The following MEOX1 variants were observed in gnomAD, a reference collection of about 807,000 sequenced individuals.
MEOX1 encodes mesenchyme homeobox 1, also known as homeobox protein MOX-1.
In MEOX1, 17 loss-of-function variants were observed where a neutral mutation model predicts 23.2. The observed-to-expected ratio is 0.73, with a 90% CI of 0.50 to 1.10. The LOEUF (loss-of-function observed/expected upper bound fraction) is 1.10. MEOX1 is among the 50% of genes least tolerant of loss of function. MEOX1 has a pLI of 0.00. For missense variants in MEOX1, 333 were observed against 332.2 expected, an observed-to-expected ratio of 1.00 and a Z score of -0.02; for synonymous variants, 134 against 135.1, an observed-to-expected ratio of 0.99 and a Z score of 0.06.
Position 43,661,668 on chromosome 17 carries a change from A to G in MEOX1, c.-134T>C. On this transcript the variant is annotated 5_prime_UTR_variant, in exon 1 of 3. Transcript: ENST00000318579. The stretch of plus-strand genomic sequence containing the variant: ...TGTTCAACAGAAAATTTACCCCAGG[A>G]ACCAAAAAAAAAAAAAAACCCAAAA... The G allele has an allele frequency of 1.9e-6, 1 of 523,846 alleles. No individual in the cohort carries two copies. The highest frequency in any genetic ancestry group is 3.1e-6 in the Non-Finnish European group (1 of 320,918). 32.4% of individuals were successfully genotyped at this position (523,846 alleles called of 1,614,324 possible). A position where few individuals can be genotyped will look rare whatever the true frequency, so the allele number is the denominator to read the frequency against.
chr17:43,643,157 A>C (rs535498510), intron 2 of MEOX1, among the ~76,000 whole-genome samples: 25 of 150,530 alleles, frequency 1.7e-4, no homozygotes, highest in African/African-American at 4.2e-4. Context: ...AAAAAAAAAA[A>C]CAAAAATTAG....
At chr17:43,652,825 CTTTTTTTTTTTTT>C (rs397856379) in intron 1 of MEOX1, among the ~76,000 whole-genome samples, 1 of 71,106 alleles carries the variant, frequency 1.4e-5, no homozygotes, top group African/African-American at 5.0e-5. Context: ...TCTACTATTG[CTTTTTTTTTTTTT>C]TTTTTTTTTT....
In MEOX1 at chr17:43,643,599, G is replaced by A; in HGVS notation, c.531C>T (p.Ala177=). ...GSSKARKERT[A]FTKEQLRELE... ...GCTCTCGCAGCTGCTCCTTGGTGAA[G>A]GCCGTCCTCTCCTTGCGGGCTTTGC... Residue 177 remains alanine (A), a synonymous_variant, in exon 2 of 3, where the codon GCC becomes GCT. Coordinates refer to ENST00000318579, the MANE Select transcript of MEOX1 (RefSeq NM_004527.4). The A allele has an allele frequency of 6.2e-7, 1 of 1,613,470 alleles. No homozygotes were observed. Among genetic ancestry groups the A allele is most frequent in the Non-Finnish European group, 8.5e-7 (1 of 1,179,896 alleles).
At chr17:43,643,441 A>T in intron 2 of MEOX1, 47 bp downstream of exon 2, 1 of 1,487,108 alleles carries the variant, frequency 6.7e-7, no homozygotes, top group Non-Finnish European at 9.1e-7. Context: ...GAGGGAAGGG[A>T]GGGAGATGAG....
At position 43,661,127 on chromosome 17, in the gene MEOX1, C is replaced by A; in HGVS notation, c.408G>T (p.Val136=). 2 of 1,521,300 alleles carry A rather than the reference C, an allele frequency of 1.3e-6. No individual in the cohort carries two copies. Among genetic ancestry groups the A allele is most frequent in the South Asian group, 1.3e-5 (1 of 75,368 alleles). The allele number at this position is 1,521,300 out of a possible 1,614,324, so 94.2% of individuals were successfully genotyped here. The change falls in exon 1 of 3, where the codon GTG becomes GTT. Residue 136 remains valine, a synonymous_variant. Coordinates refer to ENST00000318579, the MANE Select transcript of MEOX1 (RefSeq NM_004527.4). ...CTGTCTCATTGGCAGTGCTCCCAAG[C>A]ACCCCGTAGTCATCGCCTGGGCCTC... is the stretch of plus-strand genomic sequence containing the variant. ...TTGGPGDDYG[V]LGSTANETEK...
chr17:43,657,097 CT>C (rs1433768151), intron 1 of MEOX1, among the ~76,000 whole-genome samples: 1 of 121,008 alleles, frequency 8.3e-6, no homozygotes, highest in African/African-American at 3.0e-5. Flanking sequence ...CTTTCTTTTT[CT>C]TTCTCTCTTT....
intron 1 of MEOX1, among the ~76,000 whole-genome samples, chr17:43,643,862 A>C (rs1972751730): frequency 6.6e-6 from 1 of 151,582 alleles, no homozygotes; most frequent in African/African-American, 2.4e-5. Context: ...TTTGGTTTCC[A>C]ATCTCAGGTA....
At chr17:43,649,314 T>TTTTTA (rs1491550537) in intron 1 of MEOX1, among the ~76,000 whole-genome samples, 1 of 128,388 alleles carries the variant, frequency 7.8e-6, no homozygotes, top group Non-Finnish European at 1.6e-5. Context: ...TTTTTTTTTT[T>TTTTTA]GAGGCTGAGT....
intron 1 of MEOX1, among the ~76,000 whole-genome samples, chr17:43,657,012 C>CCCTTTCTT: frequency 9.5e-6 from 1 of 105,146 alleles, no homozygotes; most frequent in East Asian, 2.7e-4. Flanking sequence ...TTCTTTCTTT[C>CCCTTTCTT]TCTTTCTTTC....
chr17:43,657,131 TTCC>T (rs1446074446), intron 1 of MEOX1, among the ~76,000 whole-genome samples: 1 of 147,868 alleles, frequency 6.8e-6, no homozygotes, highest in Non-Finnish European at 1.5e-5. Flanking sequence ...CCTTCCTTCC[TTCC>T]TTTCTTCCTT....
chr17:43,644,274 T>C (rs1386753749), intron 1 of MEOX1, among the ~76,000 whole-genome samples: 1 of 152,240 alleles, frequency 6.6e-6, no homozygotes. Context: ...TGTTCAGACC[T>C]GAAGGATCTC....
chr17:43,660,951 C>T (rs757250507), intron 1 of MEOX1, 115 bp downstream of exon 1: 11 of 614,164 alleles, frequency 1.8e-5, no homozygotes, highest in Non-Finnish European at 2.7e-5. Flanking sequence ...CAGTCTCCTG[C>T]ATTTGGATGG....
chr17:43,658,245 C>T (rs951580387), intron 1 of MEOX1, among the ~76,000 whole-genome samples: 17 of 152,194 alleles, frequency 1.1e-4, no homozygotes, highest in African/African-American at 4.1e-4. Context: ...AGGCCGGGCA[C>T]GGTGGCGCAT....
chr17:43,649,806 T>C (rs1195382316), intron 1 of MEOX1, among the ~76,000 whole-genome samples: 2 of 152,164 alleles, frequency 1.3e-5, no homozygotes, highest in Non-Finnish European at 1.5e-5. Flanking sequence ...CCCCAGCCCC[T>C]GCATAGCCCT....
chr17:43,643,125 A>G (rs1020985801), intron 2 of MEOX1, among the ~76,000 whole-genome samples: 1 of 151,018 alleles, frequency 6.6e-6, no homozygotes, highest in Non-Finnish European at 1.5e-5. Context: ...CCTGGCCAAC[A>G]TGGTGAAACC....
At chr17:43,660,706 T>G (rs1158188464) in intron 1 of MEOX1, among the ~76,000 whole-genome samples, 1 of 152,172 alleles carries the variant, frequency 6.6e-6, no homozygotes, top group East Asian at 1.9e-4. Context: ...GGCCAAAGCA[T>G]GGTGGGGAGG....
At chr17:43,657,059 C>CTCTCTCTTTCT (rs1567748417) in intron 1 of MEOX1, among the ~76,000 whole-genome samples, 17 of 48,424 alleles carry the variant, frequency 3.5e-4, no homozygotes, top group African/African-American at 8.4e-4. Context: ...TCTTTCTTTC[C>CTCTCTCTTTCT]TTCCTTCCTT....
intron 1 of MEOX1, among the ~76,000 whole-genome samples, chr17:43,648,145 AC>A (rs1178446516): frequency 6.6e-5 from 10 of 152,226 alleles, no homozygotes; most frequent in Non-Finnish European, 7.3e-5. Flanking sequence ...GCTCATGGGC[AC>A]AGTTCCTGTG....
chr17:43,659,339 A>C (rs1173953347), intron 1 of MEOX1, among the ~76,000 whole-genome samples: 1 of 152,054 alleles, frequency 6.6e-6, no homozygotes, highest in African/African-American at 2.4e-5. Flanking sequence ...GGATGAGTTA[A>C]TTTTCGGGAT....
Sources: allele counts gnomAD v4.1 joint callset (sites outside exome capture counted in the v4.1 genomes callset), GRCh38; gene constraint gnomAD v4.1.1; transcripts MANE v1.5; gene names NCBI Gene and HGNC (gene_info 2026-07-23, HGNC 2026-07-21).